GALNT11: variants seen among roughly 807,000 people sequenced by gnomAD.
The protein encoded by GALNT11 is polypeptide N-acetylgalactosaminyltransferase 11.
In GALNT11, 47 loss-of-function variants were observed where a neutral mutation model predicts 72.7. The ratio of observed to expected loss-of-function variants is 0.65; its 90% CI spans 0.51 to 0.82. The LOEUF is 0.82. Among genes scored for constraint, GALNT11 ranks in the 40% least tolerant of loss-of-function variants. The pLI, the probability that GALNT11 is intolerant of heterozygous loss-of-function variation, is 0.00. For missense variants in GALNT11, 677 were observed against 778.4 expected (o/e 0.87, Z 1.55); for synonymous variants, 270 against 286.6 (o/e 0.94, Z 0.58).
chr7:152,083,301 A>G (rs2085426928), intron 1 of GALNT11, among the ~76,000 whole-genome samples: 1 of 152,132 alleles, frequency 6.6e-6, no homozygotes, highest in Non-Finnish European at 1.5e-5. Flanking sequence ...GTATGGAGTC[A>G]TGTTTTATAA....
intron 1 of GALNT11, among the ~76,000 whole-genome samples, chr7:152,053,845 A>G (rs923761515): frequency 3.3e-5 from 5 of 152,264 alleles, no homozygotes; most frequent in African/African-American, 1.2e-4. Context: ...ACAAAAATAA[A>G]TAAACCTTGC....
rs183736344 is a variant in GALNT11 at position 152,048,628 on chromosome 7, C to T, written c.-39+22744C>T. On this transcript the variant is annotated intron_variant, in intron 1 of 11. Coordinates refer to ENST00000430044, the MANE Select transcript of GALNT11 (RefSeq NM_022087.4). ...CACTGCAAGCTCCACCTCCCAGGTT[C>T]ATGCCATTGTCCTGCCTCAGCCTCC... is the stretch of plus-strand genomic sequence containing the variant. Among the ~76,000 whole-genome samples the T allele has an allele frequency of 4.6e-5, 7 of 151,892 alleles. No homozygotes were observed. In the East Asian group the frequency reaches 1.4e-3, roughly 29 times the overall value.
intron 7 of GALNT11, among the ~76,000 whole-genome samples, chr7:152,111,644 A>ATTTT (rs1554432562): frequency 2.9e-5 from 4 of 139,208 alleles, no homozygotes; most frequent in African/African-American, 1.1e-4. Flanking sequence ...ATATATATAT[A>ATTTT]TTTTTTTAAA....
At chr7:152,093,324 A>T (rs570878098) in intron 1 of GALNT11, among the ~76,000 whole-genome samples, 1 of 152,154 alleles carries the variant, frequency 6.6e-6, no homozygotes, top group African/African-American at 2.4e-5. Context: ...GAATATAATT[A>T]CTTGAACTCT....
intron 1 of GALNT11, among the ~76,000 whole-genome samples, chr7:152,091,985 C>T (rs554499220): frequency 1.3e-5 from 2 of 152,212 alleles, no homozygotes; most frequent in African/African-American, 4.8e-5. Flanking sequence ...ATGGTGGAAG[C>T]GGGAAGGCCG....
chr7:152,026,133 C>T (rs894900740), intron 1 of GALNT11, among the ~76,000 whole-genome samples: 2 of 152,270 alleles, frequency 1.3e-5, no homozygotes, highest in Admixed American at 6.5e-5. Context: ...AGGGCGCTGG[C>T]CTCGTTTTCG....
At chr7:152,032,039 AG>A (rs2082326210) in intron 1 of GALNT11, among the ~76,000 whole-genome samples, 1 of 152,202 alleles carries the variant, frequency 6.6e-6, no homozygotes, top group East Asian at 1.9e-4. Flanking sequence ...GACCTGCTGT[AG>A]GCAAAGCTGG....
intron 4 of GALNT11, chr7:152,104,238 C>T (rs1015209939): frequency 6.6e-6 from 1 of 152,228 alleles, no homozygotes; most frequent in Non-Finnish European, 1.5e-5. Flanking sequence ...GGAAATGAGA[C>T]CTCTGGTCTG....
chr7:152,103,633 G>C, intron 4 of GALNT11: 1 of 227,060 alleles, frequency 4.4e-6, no homozygotes. Context: ...ATCCACATTG[G>C]TACAGTGTGT....
intron 1 of GALNT11, among the ~76,000 whole-genome samples, chr7:152,077,746 C>T (rs556630537): frequency 2.0e-5 from 3 of 152,150 alleles, no homozygotes; most frequent in African/African-American, 7.2e-5. Context: ...TAGTGTCCAC[C>T]ATACCACCAA....
intron 1 of GALNT11, among the ~76,000 whole-genome samples, chr7:152,066,506 G>A (rs2084320457): frequency 6.6e-6 from 1 of 152,196 alleles, no homozygotes; most frequent in South Asian, 2.1e-4. Flanking sequence ...TGGAAATGCA[G>A]AAATCACCCG....
intron 1 of GALNT11, among the ~76,000 whole-genome samples, chr7:152,066,358 AG>A (rs1225633296): frequency 6.6e-6 from 1 of 152,230 alleles, no homozygotes; most frequent in Non-Finnish European, 1.5e-5. Flanking sequence ...TGGCTAGGAA[AG>A]GGAATTCCCT....
intron 1 of GALNT11, among the ~76,000 whole-genome samples, chr7:152,056,015 C>A (rs188866034): frequency 5.9e-5 from 9 of 152,032 alleles, no homozygotes; most frequent in Middle Eastern, 6.8e-3. Context: ...GTCCTCAGTT[C>A]GTGGCAATCA....
rs2129038405 is a variant in GALNT11 at position 152,094,181 on chromosome 7, C to A, written c.-38-9C>A. On this transcript the variant is annotated splice_polypyrimidine_tract_variant and intron_variant, in intron 1 of 11. Coordinates refer to ENST00000430044, the MANE Select transcript of GALNT11 (RefSeq NM_022087.4). This position sits in a 1 kb window ranked among gnomAD's most constrained non-coding sequence, Gnocchi z 4.3. ...TGAAGTGTCTAACATATTTATTCTT[C>A]TTTTTTAGGAAATTGACAATGGCCC... is the stretch of plus-strand genomic sequence containing the variant. 13 of 1,526,486 alleles carry A rather than the reference C, an allele frequency of 8.5e-6. No individual in the cohort carries two copies. Among genetic ancestry groups the A allele is most frequent in the Non-Finnish European group, 1.1e-5 (13 of 1,137,862 alleles). The allele number at this position is 1,526,486 out of a possible 1,614,324, so 94.6% of individuals were successfully genotyped here.
intron 1 of GALNT11, among the ~76,000 whole-genome samples, chr7:152,057,004 A>ATTTTTTTTT (rs71198754): frequency 1.3e-5 from 1 of 74,930 alleles, no homozygotes; most frequent in Non-Finnish European, 2.7e-5. Flanking sequence ...ATGCCCAGCT[A>ATTTTTTTTT]TTTTTTTTTT....
At chr7:152,082,061 A>T (rs1184405139) in intron 1 of GALNT11, among the ~76,000 whole-genome samples, 1 of 152,128 alleles carries the variant, frequency 6.6e-6, no homozygotes, top group Non-Finnish European at 1.5e-5. Flanking sequence ...AGGCCTATGC[A>T]TATATTGTTT....
Position 152,069,250 on chromosome 7 carries a change from C to T in GALNT11, c.-38-24940C>T, listed in dbSNP as rs576685336. Among the ~76,000 whole-genome samples, 106 of 152,174 alleles carry T rather than the reference C, an allele frequency of 7.0e-4. 1 individual carries two copies. The highest frequency in any genetic ancestry group is 2.5e-3 in the African/African-American group (103 of 41,512). ...TATTGGGGGATTTTCCAGATATCTCCGTTACTGATTTCTAGTTTAATTATG... is the reference window on the plus strand; with the variant it reads ...TATTGGGGGATTTTCCAGATATCTCTGTTACTGATTTCTAGTTTAATTATG... On this transcript the variant is annotated intron_variant, in intron 1 of 11. Coordinates refer to ENST00000430044, the MANE Select transcript of GALNT11 (RefSeq NM_022087.4).
At chr7:152,113,493 T>C in intron 8 of GALNT11, 95 bp downstream of exon 8, 1 of 1,422,960 alleles carries the variant, frequency 7.0e-7, no homozygotes, top group Non-Finnish European at 9.6e-7. Flanking sequence ...CTCTGGCATA[T>C]TTCTCTTGGT....
At chr7:152,091,868 A>C (rs2086060471) in intron 1 of GALNT11, among the ~76,000 whole-genome samples, 1 of 152,198 alleles carries the variant, frequency 6.6e-6, no homozygotes, top group Non-Finnish European at 1.5e-5. Context: ...TAAAGAAAAC[A>C]CGAGAAACGA....
Sources: gnomAD v4.1 joint callset for allele counts (sites outside exome capture counted in the v4.1 genomes callset) on GRCh38, gnomAD v4.1.1 for gene constraint, Gnocchi (gnomAD v3.1) non-coding constraint, MANE v1.5 for transcripts, NCBI Gene and HGNC (gene_info 2026-07-23, HGNC 2026-07-21) for gene names.